The following PASD1 variants were observed in gnomAD, a reference collection of about 807,000 sequenced individuals.
PASD1 encodes circadian clock protein PASD1.
A neutral mutation model predicts 58.8 loss-of-function variants in PASD1; 13 were observed. The observed-to-expected ratio is 0.22, with a 90% CI of 0.14 to 0.35. The LOEUF (loss-of-function observed/expected upper bound fraction) is 0.35, where lower values mean the gene tolerates loss of function less well. Among genes scored for constraint, PASD1 ranks in the 10% least tolerant of loss-of-function variants. The probability of loss-of-function intolerance (pLI) is 1.00; values close to 1 mark genes in which losing one functional copy is unlikely to be tolerated. For missense variants in PASD1, 734 were observed against 568.3 expected (o/e 1.29, Z -2.96); for synonymous variants, 236 against 216.7 (o/e 1.09, Z -0.78).
intron 9 of PASD1, among the ~76,000 whole-genome samples, chrX:151,656,519 C>A (rs1246034168): frequency 9.0e-6 from 1 of 111,426 alleles, no homozygotes; most frequent in Non-Finnish European, 1.9e-5. Context: ...TTGTTTGTGT[C>A]CTTTTTTATT....
intron 1 of PASD1, among the ~76,000 whole-genome samples, chrX:151,577,410 G>A (rs1294760158): frequency 2.7e-5 from 3 of 112,013 alleles, no homozygotes; most frequent in African/African-American, 9.7e-5. Flanking sequence ...ATTAATTTAT[G>A]GCTCATACTG....
At chrX:151,595,235 T>G (rs1343813850) in intron 1 of PASD1, among the ~76,000 whole-genome samples, 1 of 111,851 alleles carries the variant, frequency 8.9e-6, no homozygotes, top group Non-Finnish European at 1.9e-5. Flanking sequence ...TCTGGGAATC[T>G]AGTTACTTAT....
intron 9 of PASD1, among the ~76,000 whole-genome samples, chrX:151,650,737 A>G (rs1015252033): frequency 2.7e-5 from 3 of 112,098 alleles, no homozygotes; most frequent in Non-Finnish European, 5.6e-5. Context: ...GCCAGCAGGC[A>G]GCAAAGGCCA....
chrX:151,567,177 C>G (rs1266393902), intron 1 of PASD1, among the ~76,000 whole-genome samples: 1 of 111,511 alleles, frequency 9.0e-6, no homozygotes, highest in African/African-American at 3.3e-5. Flanking sequence ...GCCATACGTA[C>G]CACACCTGAT....
At chrX:151,671,015 C>T (rs377556977) in intron 11 of PASD1, 23 bp from the exon 12 acceptor site, 1 of 1,202,331 alleles carries the variant, frequency 8.3e-7, no homozygotes, top group Non-Finnish European at 1.1e-6. Flanking sequence ...TATACATGAA[C>T]CATAAGTAAT....
At chrX:151,619,878 G>A (rs914700975) in intron 4 of PASD1, among the ~76,000 whole-genome samples, 3 of 111,578 alleles carry the variant, frequency 2.7e-5, no homozygotes, top group Non-Finnish European at 5.6e-5. Flanking sequence ...GTGAGAGGCG[G>A]TAATGTAAAG....
intron 1 of PASD1, among the ~76,000 whole-genome samples, chrX:151,568,373 C>A (rs1422630281): frequency 2.7e-5 from 3 of 111,315 alleles, no homozygotes; most frequent in Admixed American, 9.5e-5. Context: ...ATAGAGTGTT[C>A]ATGGCCACTA....
intron 9 of PASD1, among the ~76,000 whole-genome samples, chrX:151,653,689 T>C (rs868564497): frequency 2.5e-5 from 2 of 79,710 alleles, no homozygotes; most frequent in Non-Finnish European, 4.9e-5. Context: ...CCTTCCTTCC[T>C]TCCCTCCTCC....
At chrX:151,597,022 T>A (rs1207618385) in intron 1 of PASD1, among the ~76,000 whole-genome samples, 1 of 112,462 alleles carries the variant, frequency 8.9e-6, no homozygotes, top group Non-Finnish European at 1.9e-5. Flanking sequence ...TATTTCTGGA[T>A]TAACTCCACT....
chrX:151,657,533 C>A (rs1156379565), intron 9 of PASD1, among the ~76,000 whole-genome samples: 1 of 111,672 alleles, frequency 9.0e-6, no homozygotes, highest in Non-Finnish European at 1.9e-5. Flanking sequence ...GCCTCAATTT[C>A]AGAGCCTGTT....
At chrX:151,581,634 G>A (rs2013095646) in intron 1 of PASD1, among the ~76,000 whole-genome samples, 1 of 111,307 alleles carries the variant, frequency 9.0e-6, no homozygotes, top group Non-Finnish European at 1.9e-5. Flanking sequence ...TTTTCTTATA[G>A]ATGAACTATC....
intron 8 of PASD1, among the ~76,000 whole-genome samples, chrX:151,643,398 G>A (rs938426373): frequency 9.0e-6 from 1 of 111,081 alleles, no homozygotes; most frequent in Non-Finnish European, 1.9e-5. Flanking sequence ...CATTCTGTGG[G>A]GGATGTTAGT....
chrX:151,566,465 A>G (rs1406742807), intron 1 of PASD1, among the ~76,000 whole-genome samples: 4 of 111,794 alleles, frequency 3.6e-5, no homozygotes, highest in African/African-American at 9.8e-5. Flanking sequence ...GCATTTTCCG[A>G]AGCAGGAGGT....
intron 8 of PASD1, among the ~76,000 whole-genome samples, chrX:151,628,798 C>T (rs748438997): frequency 8.9e-6 from 1 of 111,891 alleles, no homozygotes; most frequent in African/African-American, 3.2e-5. Context: ...GCCATTTTCA[C>T]AATATTGATT....
chrX:151,569,533 C>G (rs750816374), intron 1 of PASD1, among the ~76,000 whole-genome samples: 3 of 112,007 alleles, frequency 2.7e-5, no homozygotes, highest in Admixed American at 9.4e-5. Flanking sequence ...TCTGGAAACT[C>G]TCATTGAGAG....
At chrX:151,626,655 A>G (rs141460353) in intron 8 of PASD1, among the ~76,000 whole-genome samples, 2,538 of 111,699 alleles carry the variant, frequency 0.023, 64 homozygotes, top group African/African-American at 0.069. Flanking sequence ...TAAATATATT[A>G]AAGATGTGCA....
chrX:151,672,166 G>C lies in PASD1; in HGVS notation c.1438-17G>C, dbSNP rs937307874. 8.8e-7 allele frequency: 1 copy of C among 1,140,673 alleles called. No individual in the cohort carries two copies. The highest frequency in any genetic ancestry group is 1.2e-6 in the Non-Finnish European group (1 of 864,165). The allele number at this position is 1,140,673 out of a possible 1,213,427, so 94.0% of individuals were successfully genotyped here. A position where few individuals can be genotyped will look rare whatever the true frequency, so the allele number is the denominator to read the frequency against. ...TGCAGACACCAGGGTGCTTTTATCT[G>C]TTGCCTTTCGATGCAGCAGCAACTG... On this transcript the variant is annotated splice_polypyrimidine_tract_variant and intron_variant, in intron 13 of 15. Coordinates refer to ENST00000370357, the MANE Select transcript of PASD1 (RefSeq NM_173493.3).
intron 8 of PASD1, among the ~76,000 whole-genome samples, chrX:151,627,920 CGTT>C (rs1349733777): frequency 9.0e-6 from 1 of 111,695 alleles, no homozygotes; most frequent in African/African-American, 3.3e-5. Context: ...GATGGTATCT[CGTT>C]GTGGTTTTGA....
intron 1 of PASD1, among the ~76,000 whole-genome samples, chrX:151,589,261 T>C (rs1309303501): frequency 6.3e-5 from 7 of 111,536 alleles, no homozygotes; most frequent in Non-Finnish European, 1.1e-4. Context: ...ACCCTGACTC[T>C]GCACCTAGAC....
Sources: gnomAD v4.1 joint callset for allele counts (sites outside exome capture counted in the v4.1 genomes callset) on GRCh38, gnomAD v4.1.1 for gene constraint, MANE v1.5 for transcripts, NCBI Gene and HGNC (gene_info 2026-07-23, HGNC 2026-07-21) for gene names.